TACC2: variants seen among roughly 807,000 people sequenced by gnomAD.
TACC2 encodes transforming acidic coiled-coil-containing protein 2.
Under a neutral mutation model 227.3 loss-of-function variants are expected in TACC2, and 137 were observed. The ratio of observed to expected loss-of-function variants is 0.60; its 90% CI spans 0.52 to 0.69. The LOEUF is 0.69. Ranked by LOEUF, TACC2 falls within the 30% of genes least tolerant of loss-of-function variation. The probability of loss-of-function intolerance (pLI) is 0.00; values close to 1 mark genes in which losing one functional copy is unlikely to be tolerated. For missense variants in TACC2, 3,470 were observed against 3,694.4 expected (o/e 0.94, Z 1.57); for synonymous variants, 1,523 against 1,487.5 (o/e 1.02, Z -0.55).
intron 16 of TACC2, among the ~76,000 whole-genome samples, chr10:122,232,791 A>G (rs2095784340): frequency 1.3e-5 from 2 of 152,152 alleles, no homozygotes; most frequent in African/African-American, 4.8e-5. Context: ...TCCTTGCTGC[A>G]TTGGAAACTC....
intron 19 of TACC2, 169 bp from the exon 20 acceptor site, chr10:122,248,474 T>C: frequency 1.3e-6 from 1 of 749,692 alleles, no homozygotes; most frequent in Non-Finnish European, 2.2e-6. Context: ...TTTGTTCTGT[T>C]AGAGACAGTC....
intron 5 of TACC2, among the ~76,000 whole-genome samples, chr10:122,102,381 G>T (rs1040885203): frequency 2.0e-5 from 3 of 152,194 alleles, no homozygotes; most frequent in African/African-American, 7.2e-5. Context: ...CTTTGTTGCA[G>T]CATAAGACAT....
chr10:122,142,753 C>G (rs1367505630), intron 6 of TACC2, among the ~76,000 whole-genome samples: 2 of 152,250 alleles, frequency 1.3e-5, no homozygotes, highest in African/African-American at 4.8e-5. Context: ...CCCCAAGACA[C>G]CTTCAGCCTG....
Position 122,087,908 on chromosome 10 carries a change from C to T in TACC2, c.5408C>T (p.Thr1803Ile). The change falls in exon 4 of 23, where the codon ACT (threonine) becomes ATT (isoleucine). Residue 1803 changes from threonine (T) to isoleucine (I), a missense_variant. By Grantham distance (89) the Thr-to-Ile change is moderately conservative. Coordinates refer to ENST00000369005, the MANE Select transcript of TACC2 (RefSeq NM_206862.4). ...CVSSPPEPDETHDPKLQHLAP... is the reference protein window; with the variant it reads ...CVSSPPEPDEIHDPKLQHLAP... ...TCCTCACCTCCAGAGCCTGACGAAACTCACGACCCGAAGCTGCAACATTTG... is the reference window on the plus strand; with the variant it reads ...TCCTCACCTCCAGAGCCTGACGAAATTCACGACCCGAAGCTGCAACATTTG... 6.6e-7 allele frequency: 1 copy of T among 1,513,248 alleles called. No homozygotes were observed. The highest frequency in any genetic ancestry group is 8.8e-7 in the Non-Finnish European group (1 of 1,131,328). The allele number at this position is 1,513,248 out of a possible 1,614,324, so 93.7% of individuals were successfully genotyped here. A position where few individuals can be genotyped will look rare whatever the true frequency, so the allele number is the denominator to read the frequency against.
chr10:122,190,642 G>T (rs894434920), intron 7 of TACC2, among the ~76,000 whole-genome samples: 12 of 152,054 alleles, frequency 7.9e-5, no homozygotes, highest in Admixed American at 7.2e-4. Flanking sequence ...TGACCCTCCT[G>T]CCCTGTCTGC....
chr10:122,080,549 A>G (rs967164938), intron 3 of TACC2, among the ~76,000 whole-genome samples: 7 of 152,054 alleles, frequency 4.6e-5, no homozygotes, highest in African/African-American at 1.7e-4. Context: ...TCTTCTTATA[A>G]AGAACACCAG....
intron 1 of TACC2, among the ~76,000 whole-genome samples, chr10:121,997,588 G>C (rs1953702095): frequency 6.6e-6 from 1 of 150,606 alleles, no homozygotes; most frequent in South Asian, 2.1e-4. Flanking sequence ...GGAGGGGTGA[G>C]GAATGAGTGG....
At chr10:122,104,972 T>C (rs921358122) in intron 5 of TACC2, among the ~76,000 whole-genome samples, 3 of 152,228 alleles carry the variant, frequency 2.0e-5, no homozygotes, top group African/African-American at 7.2e-5. Flanking sequence ...TCTCACTTTT[T>C]AACCCTAGTG....
intron 1 of TACC2, among the ~76,000 whole-genome samples, chr10:122,007,531 G>C (rs1036899041): frequency 3.9e-5 from 6 of 152,274 alleles, no homozygotes; most frequent in Non-Finnish European, 5.9e-5. Context: ...AAAGCTCTGT[G>C]TGGACTTGTT....
At chr10:122,134,616 C>G (rs908071001) in intron 6 of TACC2, among the ~76,000 whole-genome samples, 3 of 152,216 alleles carry the variant, frequency 2.0e-5, no homozygotes, top group East Asian at 1.9e-4. Flanking sequence ...CCTGTCTGTC[C>G]TATTCCTCCC....
chr10:122,082,600 C>T, intron 3 of TACC2, 47 bp from the exon 4 acceptor site: 1 of 1,559,696 alleles, frequency 6.4e-7, no homozygotes, highest in African/African-American at 1.4e-5. Context: ...CAGTGTGGCT[C>T]TGTCCTTGGC....
At chr10:122,241,915 A>G (rs1434107197) in intron 18 of TACC2, 43 bp from the exon 19 acceptor site, 4 of 1,597,350 alleles carry the variant, frequency 2.5e-6, no homozygotes, top group Admixed American at 1.7e-5. Flanking sequence ...ATGGAAAACC[A>G]TTCTGTTGTC....
chr10:122,201,958 C>T (rs1351204763), intron 8 of TACC2, among the ~76,000 whole-genome samples: 3 of 151,468 alleles, frequency 2.0e-5, no homozygotes, highest in Non-Finnish European at 4.4e-5. Flanking sequence ...TTGAAACTGA[C>T]CTCTTTTGAA....
rs527238571 is a variant in TACC2 at position 122,135,548 on chromosome 10, C to T, written c.5699+2814C>T. On this transcript the variant is annotated intron_variant, in intron 6 of 22. Coordinates refer to ENST00000369005, the MANE Select transcript of TACC2 (RefSeq NM_206862.4). ...GTGTTACTGAACATTTATCCAGAGT[C>T]GTGTTGTCTTGTTGTTTTTACTGGA... is the stretch of plus-strand genomic sequence containing the variant. Among the ~76,000 whole-genome samples, 8 of 152,260 alleles carry T rather than the reference C, an allele frequency of 5.3e-5. No individual in the cohort carries two copies. In the South Asian group the frequency reaches 8.3e-4, roughly 16 times the overall value.
intron 9 of TACC2, among the ~76,000 whole-genome samples, chr10:122,213,973 C>T (rs552212832): frequency 1.4e-4 from 21 of 152,314 alleles, no homozygotes; most frequent in African/African-American, 1.9e-4. Context: ...GGCTGGGTGT[C>T]GGCATGCCTT....
At chr10:122,134,491 GT>G (rs1211905545) in intron 6 of TACC2, among the ~76,000 whole-genome samples, 2 of 152,142 alleles carry the variant, frequency 1.3e-5, no homozygotes, top group Non-Finnish European at 2.9e-5. Flanking sequence ...GTCAGCCATA[GT>G]TTTTACTTTT....
At chr10:122,065,928 C>CTT (rs144452256) in intron 3 of TACC2, among the ~76,000 whole-genome samples, 5,179 of 152,204 alleles carry the variant, frequency 0.034, 266 homozygotes, top group African/African-American at 0.11. Flanking sequence ...GCAAAATCTA[C>CTT]TGTCTTAAAT....
intron 8 of TACC2, among the ~76,000 whole-genome samples, chr10:122,198,139 A>T (rs2094639915): frequency 6.6e-6 from 1 of 152,218 alleles, no homozygotes; most frequent in Middle Eastern, 3.2e-3. Context: ...CACTTGCCCT[A>T]CATTGGGTCC....
At chr10:122,173,189 C>A (rs1340432392) in intron 7 of TACC2, among the ~76,000 whole-genome samples, 1 of 152,150 alleles carries the variant, frequency 6.6e-6, no homozygotes, top group Non-Finnish European at 1.5e-5. Context: ...CCCAGACAAC[C>A]CCAAAAAGTC....
Sources: gnomAD v4.1 joint callset for allele counts (sites outside exome capture counted in the v4.1 genomes callset) on GRCh38, gnomAD v4.1.1 for gene constraint, MANE v1.5 for transcripts, NCBI Gene and HGNC (gene_info 2026-07-23, HGNC 2026-07-21) for gene names.